Variants in PRUNE2 observed in about 807,000 individuals in gnomAD.
The protein encoded by PRUNE2 is protein prune homolog 2.
In PRUNE2, 164 loss-of-function variants were observed where a neutral mutation model predicts 252.0. The observed-to-expected ratio is 0.65, with a 90% CI of 0.57 to 0.74. The LOEUF is 0.74. Among genes scored for constraint, PRUNE2 ranks in the 30% least tolerant of loss-of-function variants. PRUNE2 has a pLI of 0.00. For missense variants in PRUNE2, 3,495 were observed against 3,711.0 expected (o/e 0.94, Z 1.51); for synonymous variants, 1,292 against 1,350.2 (o/e 0.96, Z 0.94).
intron 3 of PRUNE2, among the ~76,000 whole-genome samples, chr9:76,848,269 A>G (rs2059774899): frequency 6.6e-6 from 1 of 152,244 alleles, no homozygotes; most frequent in African/African-American, 2.4e-5. Context: ...ATCTCAAAAA[A>G]AGAAAAAAGA....
intron 6 of PRUNE2, among the ~76,000 whole-genome samples, chr9:76,822,643 A>G (rs10869827): frequency 0.28 from 42,441 of 151,934 alleles, 6,080 homozygotes; most frequent in Middle Eastern, 0.39. Flanking sequence ...CCCTGTCTCT[A>G]CTAAAATACA....
intron 4 of PRUNE2, among the ~76,000 whole-genome samples, chr9:76,831,219 G>A (rs1459048391): frequency 5.9e-5 from 9 of 151,722 alleles, no homozygotes; most frequent in Non-Finnish European, 1.2e-4. Context: ...TTGAGCCACC[G>A]CACCCAGCCA....
chr9:76,657,169 CCTT>C (rs1849567043), intron 9 of PRUNE2, among the ~76,000 whole-genome samples: 1 of 152,202 alleles, frequency 6.6e-6, no homozygotes, highest in African/African-American at 2.4e-5. Context: ...TGTGTGTTCT[CCTT>C]GACATCAAAC....
At chr9:76,821,980 A>G (rs1315303298) in intron 6 of PRUNE2, among the ~76,000 whole-genome samples, 1 of 152,188 alleles carries the variant, frequency 6.6e-6, no homozygotes, top group Non-Finnish European at 1.5e-5. Flanking sequence ...GGCATTTAAA[A>G]CCTAATAAGA....
In PRUNE2 at chr9:76,882,088, GGGTAAAT is replaced by G. The variant is rs1564499034; in HGVS notation, c.36+23833_36+23839del. Among the ~76,000 whole-genome samples the G allele has an allele frequency of 2.0e-4, 30 of 151,860 alleles. 1 individual carries two copies. Among genetic ancestry groups the G allele is most frequent in the Admixed American group, 6.6e-4 (10 of 15,242 alleles). On this transcript the variant is annotated intron_variant, in intron 1 of 18. Transcript: ENST00000376718. Reference sequence around the variant, plus strand: ...TATTAATCTTCACCTATTCTTTCAAGGGTAAATGTGATTTCTGGTAAGAAAAATCTCT... The same window carrying G: ...TATTAATCTTCACCTATTCTTTCAAGGTGATTTCTGGTAAGAAAAATCTCT...
intron 11 of PRUNE2, among the ~76,000 whole-genome samples, chr9:76,649,251 G>A (rs1846174430): frequency 6.6e-6 from 1 of 152,156 alleles, no homozygotes; most frequent in East Asian, 1.9e-4. Context: ...TGTGTGATGT[G>A]TATTATTCTT....
chr9:76,617,481 A>G (rs1732617888), intron 18 of PRUNE2, among the ~76,000 whole-genome samples: 1 of 151,858 alleles, frequency 6.6e-6, no homozygotes, highest in African/African-American at 2.4e-5. Flanking sequence ...TTCTAATACC[A>G]AAGAAAGCCA....
At chr9:76,636,199 T>G (rs927520163) in intron 15 of PRUNE2, among the ~76,000 whole-genome samples, 5 of 152,180 alleles carry the variant, frequency 3.3e-5, no homozygotes, top group African/African-American at 9.7e-5. Flanking sequence ...TAATGTGGCA[T>G]GAAAATCCCA....
chr9:76,637,256 G>GA (rs1840567606), intron 14 of PRUNE2, among the ~76,000 whole-genome samples, 162 bp downstream of exon 14: 1 of 151,986 alleles, frequency 6.6e-6, no homozygotes, highest in South Asian at 2.1e-4. Context: ...TTACTATTTT[G>GA]AAAAGAATAC....
At chr9:76,727,998 G>C (rs1200540016) in intron 6 of PRUNE2, among the ~76,000 whole-genome samples, 1 of 152,038 alleles carries the variant, frequency 6.6e-6, no homozygotes, top group East Asian at 1.9e-4. Flanking sequence ...TTACAGGTGT[G>C]AGCCCCCCGA....
intron 1 of PRUNE2, among the ~76,000 whole-genome samples, chr9:76,888,971 T>C (rs1389100821): frequency 6.6e-6 from 1 of 152,104 alleles, no homozygotes; most frequent in Non-Finnish European, 1.5e-5. Flanking sequence ...GCCTCTCAAG[T>C]AGCTGGAATT....
chr9:76,829,849 A>G (rs926831158), intron 4 of PRUNE2, among the ~76,000 whole-genome samples: 9 of 152,012 alleles, frequency 5.9e-5, no homozygotes, highest in African/African-American at 2.2e-4. Context: ...TAGTCTCATC[A>G]TCTCCACATT....
At chr9:76,702,336 G>A (rs969884746) in intron 9 of PRUNE2, among the ~76,000 whole-genome samples, 4 of 152,110 alleles carry the variant, frequency 2.6e-5, no homozygotes, top group African/African-American at 9.7e-5. Context: ...GGGATTACAG[G>A]TATGAACCAC....
chr9:76,752,274 T>C (rs1252591858), intron 6 of PRUNE2, among the ~76,000 whole-genome samples: 4 of 152,068 alleles, frequency 2.6e-5, no homozygotes, highest in Non-Finnish European at 1.5e-5. Flanking sequence ...ATTTTTTGTA[T>C]TTTTAGTAGA....
intron 12 of PRUNE2, among the ~76,000 whole-genome samples, chr9:76,642,196 G>A (rs1211414779): frequency 6.6e-6 from 1 of 152,058 alleles, no homozygotes; most frequent in Admixed American, 6.6e-5. Flanking sequence ...TTATGCAGAT[G>A]GCAAGGATAT....
intron 9 of PRUNE2, among the ~76,000 whole-genome samples, chr9:76,699,736 T>C (rs2045719405): frequency 6.6e-6 from 1 of 152,234 alleles, no homozygotes; most frequent in African/African-American, 2.4e-5. Context: ...GAGATCTAAA[T>C]ACAGATATCT....
At chr9:76,715,749 AT>A (rs1165916233) in intron 6 of PRUNE2, among the ~76,000 whole-genome samples, 2 of 152,234 alleles carry the variant, frequency 1.3e-5, no homozygotes, top group Non-Finnish European at 2.9e-5. Context: ...TTAAAAGGAG[AT>A]TTTTTAAATA....
chr9:76,727,316 A>C (rs1488679726), intron 6 of PRUNE2, among the ~76,000 whole-genome samples: 1 of 152,238 alleles, frequency 6.6e-6, no homozygotes. Context: ...TTACTACATA[A>C]AGCAAGACAC....
At chr9:76,800,487 T>C (rs1326562185) in intron 6 of PRUNE2, among the ~76,000 whole-genome samples, 1 of 152,222 alleles carries the variant, frequency 6.6e-6, no homozygotes, top group Non-Finnish European at 1.5e-5. Context: ...TTGTTATTTA[T>C]GTGCAATAAA....
Sources: allele counts gnomAD v4.1 joint callset (sites outside exome capture counted in the v4.1 genomes callset), GRCh38; gene constraint gnomAD v4.1.1; transcripts MANE v1.5; gene names NCBI Gene and HGNC (gene_info 2026-07-23, HGNC 2026-07-21).